Variants in AQR observed in about 807,000 individuals in gnomAD.
AQR encodes the protein RNA helicase aquarius.
Under a neutral mutation model 180.5 loss-of-function variants are expected in AQR, and 61 were observed. The ratio of observed to expected loss-of-function variants is 0.34; its 90% CI spans 0.28 to 0.42. The LOEUF is 0.42. Among genes scored for constraint, AQR ranks in the 10% least tolerant of loss-of-function variants. The pLI is 1.00. For missense variants in AQR, 1,281 were observed against 1,798.3 expected, an observed-to-expected ratio of 0.71 and a Z score of 5.20; for synonymous variants, 551 against 588.8, an observed-to-expected ratio of 0.94 and a Z score of 0.93.
At chr15:34,941,246 T>C (rs1045710315) in intron 7 of AQR, among the ~76,000 whole-genome samples, 3 of 152,220 alleles carry the variant, frequency 2.0e-5, no homozygotes, top group Non-Finnish European at 4.4e-5. Context: ...CAATTAATTT[T>C]TTATTTCAAA....
At chr15:34,870,443 C>T (rs1595781649) in intron 31 of AQR, among the ~76,000 whole-genome samples, 1 of 152,116 alleles carries the variant, frequency 6.6e-6, no homozygotes, top group South Asian at 2.1e-4. Flanking sequence ...CTAAATTATA[C>T]CCCTGCAAAG....
intron 4 of AQR, among the ~76,000 whole-genome samples, chr15:34,951,667 CAAAAAAA>C (rs35929298): frequency 1.3e-5 from 1 of 74,880 alleles, no homozygotes; most frequent in Non-Finnish European, 2.9e-5. Flanking sequence ...GAGACTGTCT[CAAAAAAA>C]AAAAAAAAAA....
chr15:34,936,682 C>G (rs1019076162), intron 9 of AQR, among the ~76,000 whole-genome samples: 1 of 151,160 alleles, frequency 6.6e-6, no homozygotes, highest in African/African-American at 2.4e-5. Flanking sequence ...TGCCACTGCA[C>G]TCCAGCCTGG....
intron 27 of AQR, among the ~76,000 whole-genome samples, chr15:34,876,364 T>C (rs1003555010): frequency 7.9e-5 from 12 of 152,172 alleles, no homozygotes; most frequent in African/African-American, 2.9e-4. Context: ...ATATATGAAG[T>C]CTTTCCCTTT....
chr15:34,900,709 A>G lies in AQR; in HGVS notation c.2156T>C (p.Leu719Pro). 1 of 1,614,188 alleles carries G rather than the reference A, an allele frequency of 6.2e-7. No homozygotes were observed. Among genetic ancestry groups the G allele is most frequent in the Non-Finnish European group, 8.5e-7 (1 of 1,180,026 alleles). ...GCTGGCTTTTAAATGCTCAATGGAGAGAAATGTATCATTGAAATCAAGGGT... is the reference window on the plus strand; with the variant it reads ...GCTGGCTTTTAAATGCTCAATGGAGGGAAATGTATCATTGAAATCAAGGGT... ...IATLDFNDTF[L>P]SIEHLKASFP... Residue 719 changes from leucine to proline, a missense_variant, in exon 20 of 35, where the codon CTC (leucine) becomes CCC (proline). Physicochemically the swap from Leu to Pro is moderately conservative, Grantham distance 98 (BLOSUM62 -3). Coordinates refer to ENST00000156471, the MANE Select transcript of AQR (RefSeq NM_014691.3).
intron 5 of AQR, among the ~76,000 whole-genome samples, chr15:34,947,240 C>T (rs1894142013): frequency 6.6e-6 from 1 of 151,826 alleles, no homozygotes; most frequent in African/African-American, 2.4e-5. Flanking sequence ...GAAACATGTG[C>T]TGTATCCACT....
intron 27 of AQR, among the ~76,000 whole-genome samples, chr15:34,880,634 T>A (rs1057303443): frequency 6.6e-6 from 1 of 152,198 alleles, no homozygotes; most frequent in Non-Finnish European, 1.5e-5. Flanking sequence ...GTGAAAGTGT[T>A]CATGTGTTAA....
At chr15:34,878,975 C>A (rs1160026789) in intron 27 of AQR, among the ~76,000 whole-genome samples, 1 of 151,640 alleles carries the variant, frequency 6.6e-6, no homozygotes, top group African/African-American at 2.4e-5. Context: ...TTGAAGTGAG[C>A]TGAGATTGCG....
chr15:34,857,034 T>C lies in AQR; in HGVS notation c.4216A>G (p.Thr1406Ala). Residue 1406 changes from threonine to alanine, a missense_variant, in exon 35 of 35, where the codon ACA becomes GCA. This residue lies in a region of AQR where 182 missense variants were observed against 185.3 expected (regional missense o/e 0.98). Transcript: ENST00000156471. Reference sequence around the variant, plus strand: ...TGAACAGTCATGGCCTCTTCTTCTGTTTCCAATTCTGTTTCTTGATTTTGA... The same window carrying C: ...TGAACAGTCATGGCCTCTTCTTCTGCTTCCAATTCTGTTTCTTGATTTTGA... ...EVQNQETELETEEEAMTVQAD... is the reference protein window; with the variant it reads ...EVQNQETELEAEEEAMTVQAD... 6.2e-7 allele frequency: 1 copy of C among 1,613,476 alleles called. No homozygotes were observed. The highest frequency in any genetic ancestry group is 1.1e-5 in the South Asian group (1 of 90,948).
At chr15:34,862,589 G>A (rs1424542004) in intron 33 of AQR, among the ~76,000 whole-genome samples, 1 of 151,930 alleles carries the variant, frequency 6.6e-6, no homozygotes, top group African/African-American at 2.4e-5. Context: ...ATAGAGACAA[G>A]GTCTCACTAT....
chr15:34,948,672 C>T (rs1294076637), intron 4 of AQR, among the ~76,000 whole-genome samples: 13 of 151,680 alleles, frequency 8.6e-5, no homozygotes, highest in African/African-American at 1.9e-4. Context: ...TGGTGGCACA[C>T]GCCTGTAATC....
chr15:34,862,002 G>T (rs1306575114), intron 33 of AQR, among the ~76,000 whole-genome samples: 1 of 151,074 alleles, frequency 6.6e-6, no homozygotes, highest in Middle Eastern at 3.4e-3. Context: ...ATAACCTGAA[G>T]GAAAATAATA....
chr15:34,902,370 G>A lies in AQR; in HGVS notation c.2002-1507C>T, dbSNP rs141902672. Reference sequence around the variant, plus strand: ...CTGGAAAAGAGAAAAGGCAATAAATGAGAGATGCTACACAGATACATAATG... The same window carrying A: ...CTGGAAAAGAGAAAAGGCAATAAATAAGAGATGCTACACAGATACATAATG... On this transcript the variant is annotated intron_variant, in intron 19 of 34. Transcript: ENST00000156471. Among the ~76,000 whole-genome samples, 85 of 152,230 alleles carry A rather than the reference G, an allele frequency of 5.6e-4. No individual in the cohort carries two copies. In the Middle Eastern group the frequency reaches 0.01, roughly 18 times the overall value.
In AQR at chr15:34,855,510, CA is replaced by C. The variant is rs1381714353; in HGVS notation, c.*1281del. 7.4e-5 allele frequency: 11 copies of C among 148,672 alleles called. No individual in the cohort carries two copies. The highest frequency in any genetic ancestry group is 5.0e-5 in the African/African-American group (2 of 40,400). 9.2% of individuals were successfully genotyped at this position (148,672 alleles called of 1,614,324 possible). On this transcript the variant is annotated 3_prime_UTR_variant, in exon 35 of 35. Coordinates refer to ENST00000156471, the MANE Select transcript of AQR (RefSeq NM_014691.3). ...AACTAGTGGGCAATTTTCCCCTCTA[CA>C]CATACATATAAACATTTCCTTTTTT... is the stretch of plus-strand genomic sequence containing the variant.
chr15:34,946,491 GC>G (rs1176320833), intron 5 of AQR, among the ~76,000 whole-genome samples: 2 of 131,998 alleles, frequency 1.5e-5, no homozygotes, highest in Non-Finnish European at 1.6e-5. Context: ...GGGGGGGTCA[GC>G]CCCCCGCCCG....
intron 2 of AQR, among the ~76,000 whole-genome samples, chr15:34,961,603 A>G (rs534798083): frequency 4.7e-4 from 60 of 127,564 alleles, no homozygotes; most frequent in Non-Finnish European, 6.5e-4. Flanking sequence ...ATAGAGCGAG[A>G]CTCCATCTCA....
intron 22 of AQR, 99 bp downstream of exon 22, chr15:34,896,798 G>C: frequency 9.9e-7 from 1 of 1,013,202 alleles, no homozygotes; most frequent in South Asian, 1.3e-5. Flanking sequence ...GCAGTGAGCT[G>C]AGATCGCGCC....
At chr15:34,930,717 C>G (rs1893839091) in intron 11 of AQR, among the ~76,000 whole-genome samples, 1 of 151,982 alleles carries the variant, frequency 6.6e-6, no homozygotes, top group African/African-American at 2.4e-5. Context: ...CTATCTACAT[C>G]ACTGAAAACT....
intron 2 of AQR, among the ~76,000 whole-genome samples, chr15:34,962,012 T>C (rs71464888): frequency 6.6e-6 from 1 of 151,740 alleles, no homozygotes; most frequent in Non-Finnish European, 1.5e-5. Flanking sequence ...TATTGTATGG[T>C]AACTATAATG....
Sources: allele counts gnomAD v4.1 joint callset (sites outside exome capture counted in the v4.1 genomes callset), GRCh38; gene constraint gnomAD v4.1.1; regional missense constraint gnomAD v4.1.1; transcripts MANE v1.5; gene names NCBI Gene and HGNC (gene_info 2026-07-23, HGNC 2026-07-21).